Variants in MBNL3 observed in about 807,000 individuals in gnomAD.
The protein encoded by MBNL3 is muscleblind like splicing regulator 3.
Under a neutral mutation model 24.5 loss-of-function variants are expected in MBNL3, and 6 were observed. That is an observed-to-expected ratio of 0.25 (90% CI 0.13 to 0.48). The LOEUF (loss-of-function observed/expected upper bound fraction) is 0.48. Among genes scored for constraint, MBNL3 ranks in the 20% least tolerant of loss-of-function variants. MBNL3 has a pLI of 0.99. For synonymous variants in MBNL3, 100 were observed against 101.7 expected, an observed-to-expected ratio of 0.98 and a Z score of 0.10; for missense variants, 230 against 293.5, an observed-to-expected ratio of 0.78 and a Z score of 1.58.
At chrX:132,416,343 TAAAACAAAACAAAAC>T (rs201556977) in intron 2 of MBNL3, among the ~76,000 whole-genome samples, 1 of 110,043 alleles carries the variant, frequency 9.1e-6, no homozygotes, top group East Asian at 2.8e-4. Flanking sequence ...ATGCGAGAGC[TAAAACAAAACAAAAC>T]AAAACAAAAC....
In MBNL3 at chrX:132,485,810, G is replaced by A. The variant is rs1408025602; in HGVS notation, c.-704+3041C>T. Among the ~76,000 whole-genome samples the A allele has an allele frequency of 2.3e-4, 26 of 112,189 alleles. No individual in the cohort carries two copies. In the Admixed American group the frequency reaches 2.5e-3, roughly 11 times the overall value. Reference sequence around the variant, plus strand: ...GGGTTTCTTTCTATATTTGAAGTGAGAGCTATATCACACCTAGAGAAAGGC... The same window carrying A: ...GGGTTTCTTTCTATATTTGAAGTGAAAGCTATATCACACCTAGAGAAAGGC... On this transcript the variant is annotated intron_variant, in intron 1 of 8. Coordinates refer to ENST00000370853, the MANE Select transcript of MBNL3 (RefSeq NM_001386889.1).
intron 2 of MBNL3, among the ~76,000 whole-genome samples, chrX:132,435,704 T>C (rs1411755784): frequency 9.0e-6 from 1 of 111,652 alleles, no homozygotes; most frequent in Non-Finnish European, 1.9e-5. Context: ...GTGACTGTTT[T>C]ATGTGCATTC....
At chrX:132,396,617 T>TATATATTCATATATATTCAC (rs1226604721) in intron 3 of MBNL3, among the ~76,000 whole-genome samples, 1 of 35,802 alleles carries the variant, frequency 2.8e-5, no homozygotes, top group Non-Finnish European at 4.6e-5. Context: ...TATATATTCA[T>TATATATTCATATATATTCAC]ATATATATTC....
intron 1 of MBNL3, among the ~76,000 whole-genome samples, chrX:132,468,691 G>C (rs752342495): frequency 8.9e-6 from 1 of 112,027 alleles, no homozygotes; most frequent in African/African-American, 3.2e-5. Flanking sequence ...TAAGTAACTT[G>C]GTTCGAGATT....
rs1276256212 is a variant in MBNL3 at position 132,376,848 on chromosome X, T to C, written c.*2818A>G. The stretch of plus-strand genomic sequence containing the variant: ...ACTCTATTGAATTTGATCAAAACTT[T>C]AGGGCTTTGAGCTTTCTTTCTTTAA... On this transcript the variant is annotated 3_prime_UTR_variant, in exon 9 of 9. Transcript: ENST00000370853. 1.8e-5 allele frequency: 2 copies of C among 111,972 alleles called. No homozygotes were observed. The highest frequency in any genetic ancestry group is 3.8e-5 in the Non-Finnish European group (2 of 53,064). 9.2% of individuals were successfully genotyped at this position (111,972 alleles called of 1,213,427 possible).
At position 132,439,944 on chromosome X, in the gene MBNL3, G is replaced by A. The variant is rs180821968; in HGVS notation, c.-333C>T. 3.6e-5 allele frequency among the ~76,000 whole-genome samples: 4 copies of A among 111,852 alleles called. No individual in the cohort carries two copies. In the East Asian group the frequency reaches 1.1e-3, roughly 31 times the overall value. On this transcript the variant is annotated 5_prime_UTR_variant, in exon 2 of 9. Coordinates refer to ENST00000370853, the MANE Select transcript of MBNL3 (RefSeq NM_001386889.1). ...TTTCAAAAGAATTCTGGGCTCTGCA[G>A]TTGATGTTTTCAATTATTCTTGCAA... is the stretch of plus-strand genomic sequence containing the variant.
chrX:132,430,044 C>G (rs1296725667), intron 2 of MBNL3: 2 of 111,060 alleles, frequency 1.8e-5, no homozygotes, highest in East Asian at 2.8e-4. Context: ...ATGAAGATAT[C>G]TGAGTCATCG....
intron 2 of MBNL3, chrX:132,413,700 CCCA>C: frequency 1.2e-6 from 1 of 821,801 alleles, no homozygotes; most frequent in Admixed American, 4.1e-5. Context: ...ACTCCACCTT[CCCA>C]CCCACCGGTG....
At chrX:132,480,070 T>G (rs1460214351) in intron 1 of MBNL3, among the ~76,000 whole-genome samples, 1 of 111,539 alleles carries the variant, frequency 9.0e-6, no homozygotes, top group East Asian at 2.8e-4. Flanking sequence ...GCCTCGATCT[T>G]ATTCTGTTTT....
At chrX:132,435,533 C>T (rs1026746754) in intron 2 of MBNL3, among the ~76,000 whole-genome samples, 7 of 111,818 alleles carry the variant, frequency 6.3e-5, no homozygotes, top group African/African-American at 1.6e-4. Context: ...CTAATGAAAA[C>T]TGCTGTGACT....
intron 2 of MBNL3, among the ~76,000 whole-genome samples, chrX:132,416,815 G>A (rs1461090687): frequency 6.3e-5 from 7 of 111,932 alleles, no homozygotes; most frequent in Non-Finnish European, 1.3e-4. Flanking sequence ...AACTCTAAAT[G>A]TATCGTGTAT....
At chrX:132,459,788 T>C (rs1295014463) in intron 1 of MBNL3, among the ~76,000 whole-genome samples, 1 of 112,002 alleles carries the variant, frequency 8.9e-6, no homozygotes, top group African/African-American at 3.2e-5. Flanking sequence ...ATATTTAAAC[T>C]CAGTATCTCA....
At chrX:132,431,696 G>A (rs1944752082) in intron 2 of MBNL3, 2 of 111,423 alleles carry the variant, frequency 1.8e-5, no homozygotes, top group African/African-American at 3.3e-5. Flanking sequence ...TTGCTTCTAG[G>A]GCTTCCCAAG....
chrX:132,479,813 C>T (rs1037461089), intron 1 of MBNL3, among the ~76,000 whole-genome samples: 1 of 111,200 alleles, frequency 9.0e-6, no homozygotes, highest in Non-Finnish European at 1.9e-5. Flanking sequence ...CATCCCCCCA[C>T]CAAATTTGGA....
intron 1 of MBNL3, among the ~76,000 whole-genome samples, chrX:132,467,687 A>T (rs753472074): frequency 5.4e-5 from 6 of 111,909 alleles, no homozygotes; most frequent in South Asian, 3.8e-4. Flanking sequence ...TAAACCCCAG[A>T]CTAAGTCGCA....
At chrX:132,479,359 T>C (rs1947608815) in intron 1 of MBNL3, among the ~76,000 whole-genome samples, 1 of 112,950 alleles carries the variant, frequency 8.9e-6, no homozygotes, top group South Asian at 3.6e-4. Flanking sequence ...ACGTTGTTTG[T>C]TCTTAGTCCA....
intron 1 of MBNL3, among the ~76,000 whole-genome samples, chrX:132,482,448 G>C (rs1402382548): frequency 1.8e-5 from 2 of 111,542 alleles, no homozygotes; most frequent in East Asian, 5.6e-4. Context: ...TCCTCATTTA[G>C]ATGGGTAACA....
intron 3 of MBNL3, among the ~76,000 whole-genome samples, chrX:132,394,270 C>T (rs1356554204): frequency 2.7e-5 from 3 of 111,615 alleles, no homozygotes; most frequent in Admixed American, 9.5e-5. Flanking sequence ...TACAGGAATA[C>T]GGGATACTTG....
chrX:132,468,045 G>A (rs1312389335), intron 1 of MBNL3, among the ~76,000 whole-genome samples: 2 of 112,104 alleles, frequency 1.8e-5, no homozygotes, highest in Non-Finnish European at 3.8e-5. Flanking sequence ...TCCCTAGACA[G>A]CATACTGGCC....
Sources: allele counts gnomAD v4.1 joint callset (sites outside exome capture counted in the v4.1 genomes callset), GRCh38; gene constraint gnomAD v4.1.1; transcripts MANE v1.5; gene names NCBI Gene and HGNC (gene_info 2026-07-23, HGNC 2026-07-21).